Variants in TNPO2 observed in about 807,000 individuals in gnomAD.
The protein encoded by TNPO2 is transportin 2.
Under a neutral mutation model 111.1 loss-of-function variants are expected in TNPO2, and 16 were observed. The ratio of observed to expected loss-of-function variants is 0.14; its 90% CI spans 0.10 to 0.22. TNPO2 has a LOEUF of 0.22. Among genes scored for constraint, TNPO2 ranks in the 10% least tolerant of loss-of-function variants. The pLI is 1.00. For missense variants in TNPO2, 530 were observed against 1,173.7 expected (o/e 0.45, Z 8.01); for synonymous variants, 481 against 475.8 (o/e 1.01, Z -0.14).
Position 12,706,877 on chromosome 19 carries a change from A to T in TNPO2, c.1271-82T>A, listed in dbSNP as rs1007185627. ...GTATGGAGAGAAGAGTCAGCCGCACACAACATATAGGGAAACTGAGGCTTA... is the reference window on the plus strand; with the variant it reads ...GTATGGAGAGAAGAGTCAGCCGCACTCAACATATAGGGAAACTGAGGCTTA... On this transcript the variant is annotated intron_variant, in intron 13 of 25. Transcript: ENST00000425528. This position sits in a 1 kb window ranked among gnomAD's most constrained non-coding sequence, Gnocchi z 7.0. The T allele has an allele frequency of 3.7e-5, 43 of 1,172,524 alleles. No individual in the cohort carries two copies. Among genetic ancestry groups the T allele is most frequent in the East Asian group, 3.1e-4 (12 of 39,090 alleles). 72.6% of individuals were successfully genotyped at this position (1,172,524 alleles called of 1,614,324 possible).
chr19:12,701,238 A>G lies in TNPO2; in HGVS notation c.*26T>C. 1.2e-6 allele frequency: 1 copy of G among 868,262 alleles called. No individual in the cohort carries two copies. The highest frequency in any genetic ancestry group is 1.8e-6 in the Non-Finnish European group (1 of 554,894). 53.8% of individuals were successfully genotyped at this position (868,262 alleles called of 1,614,324 possible). On this transcript the variant is annotated 3_prime_UTR_variant, in exon 26 of 26. Coordinates refer to ENST00000425528, the MANE Select transcript of TNPO2 (RefSeq NM_001382241.1). This position sits in a 1 kb window ranked among gnomAD's most constrained non-coding sequence, Gnocchi z 5.0. ...TAATCCCTCCGACGACGACGCAGACAGAAACCTGCAGGGGGAGGAGGAAGG... is the reference window on the plus strand; with the variant it reads ...TAATCCCTCCGACGACGACGCAGACGGAAACCTGCAGGGGGAGGAGGAAGG...
At chr19:12,707,079 A>G (rs1303685341) in intron 13 of TNPO2, among the ~76,000 whole-genome samples, 1 of 152,082 alleles carries the variant, frequency 6.6e-6, no homozygotes, top group African/African-American at 2.4e-5. Flanking sequence ...GCTCACCGCA[A>G]CCTTCACCTC....
chr19:12,702,083 G>A lies in TNPO2; in HGVS notation c.2400C>T (p.Phe800=), dbSNP rs201401387. The part of the protein sequence containing the change: ...PQEVAPMLQQ[F]IRPWCTSLRN... ...ACGTGGACACACACCAAGGCCGGAT[G>A]AACTGCTGCAGCATGGGTGCCACCT... The change falls in exon 22 of 26, where the codon TTC becomes TTT. Residue 800 remains phenylalanine (F), a synonymous_variant. Transcript: ENST00000425528. The surrounding 1 kb of genome is among the most constrained non-coding windows in gnomAD (Gnocchi z 5.5). The A allele has an allele frequency of 1.9e-6, 3 of 1,613,512 alleles. No homozygotes were observed. The East Asian group carries it at 6.7e-5, about 36-fold the overall frequency.
chr19:12,718,977 G>A, intron 5 of TNPO2, 52 bp downstream of exon 5: 1 of 1,602,002 alleles, frequency 6.2e-7, no homozygotes, highest in Non-Finnish European at 8.5e-7. Flanking sequence ...AACATGCTGA[G>A]AAGTGAGAGT....
Position 12,715,753 on chromosome 19 carries a change from GA to G in TNPO2, c.326-15del. 1 of 1,596,372 alleles carries G rather than the reference GA, an allele frequency of 6.3e-7. No individual in the cohort carries two copies. The highest frequency in any genetic ancestry group is 8.5e-7 in the Non-Finnish European group (1 of 1,172,376). ...TGATGAGAATGCCTGGGGCGGCCGG[GA>G]AAGGACGCTGCCTGAGGCTGGGCAG... is the stretch of plus-strand genomic sequence containing the variant. On this transcript the variant is annotated splice_polypyrimidine_tract_variant and intron_variant, in intron 5 of 25. Transcript: ENST00000425528. This position sits in a 1 kb window ranked among gnomAD's most constrained non-coding sequence, Gnocchi z 7.1.
At position 12,702,675 on chromosome 19, in the gene TNPO2, T is replaced by C; in HGVS notation, c.2305+148A>G. ...ACCCAGCCTGAGGCTGCATCTTTCT[T>C]GGGGCTTCTCCCAGTGACCCCTTCC... On this transcript the variant is annotated intron_variant, in intron 21 of 25. Transcript: ENST00000425528. This position sits in a 1 kb window ranked among gnomAD's most constrained non-coding sequence, Gnocchi z 5.5. 1 of 716,338 alleles carries C rather than the reference T, an allele frequency of 1.4e-6. No homozygotes were observed. Among genetic ancestry groups the C allele is most frequent in the Non-Finnish European group, 2.4e-6 (1 of 414,500 alleles). The allele number at this position is 716,338 out of a possible 1,614,324, so 44.4% of individuals were successfully genotyped here. A position where few individuals can be genotyped will look rare whatever the true frequency, so the allele number is the denominator to read the frequency against.
Position 12,706,039 on chromosome 19 carries a change from C to A in TNPO2, c.1668+157G>T, listed in dbSNP as rs1439389001. 1.3e-5 allele frequency: 11 copies of A among 823,408 alleles called. No individual in the cohort carries two copies. Among genetic ancestry groups the A allele is most frequent in the African/African-American group, 3.4e-5 (2 of 58,072 alleles). The allele number at this position is 823,408 out of a possible 1,614,324, so 51.0% of individuals were successfully genotyped here. A position where few individuals can be genotyped will look rare whatever the true frequency, so the allele number is the denominator to read the frequency against. On this transcript the variant is annotated intron_variant, in intron 15 of 25. Transcript: ENST00000425528. This position sits in a 1 kb window ranked among gnomAD's most constrained non-coding sequence, Gnocchi z 7.0. Reference sequence around the variant, plus strand: ...CTGTCTCATAACTGTCTTTCTCCCCCACTAGACTGGGAGCAGGGCGAGGGC... The same window carrying A: ...CTGTCTCATAACTGTCTTTCTCCCCAACTAGACTGGGAGCAGGGCGAGGGC...
intron 9 of TNPO2, 54 bp from the exon 10 acceptor site, chr19:12,714,993 C>A: frequency 6.3e-7 from 1 of 1,588,108 alleles, no homozygotes; most frequent in Non-Finnish European, 8.6e-7. Context: ...GGCTCCCTGA[C>A]CCCTGCCACC....
Position 12,711,382 on chromosome 19 carries a change from G to A in TNPO2, c.1031C>T (p.Thr344Ile), listed in dbSNP as rs764156137. ...KPRFHKSRTVTLPHEAERPDG... is the reference protein window; with the variant it reads ...KPRFHKSRTVILPHEAERPDG... ...AGGCCGCTCAGCCTCGTGGGGCAGT[G>A]TGACCGTGCGTGACTTGTGGAAGCG... Residue 344 changes from threonine to isoleucine, a missense_variant, in exon 12 of 26, where the codon ACA becomes ATA. By Grantham distance (89) the Thr-to-Ile change is moderately conservative. This residue lies in a region of TNPO2 where 88 missense variants were observed against 130.2 expected (regional missense o/e 0.68). Coordinates refer to ENST00000425528, the MANE Select transcript of TNPO2 (RefSeq NM_001382241.1). 1 of 1,614,012 alleles carries A rather than the reference G, an allele frequency of 6.2e-7. No homozygotes were observed. The highest frequency in any genetic ancestry group is 8.5e-7 in the Non-Finnish European group (1 of 1,179,894).
In TNPO2 at chr19:12,715,358, C is replaced by A; in HGVS notation, c.567-34G>T. ...GAGCAGACACGTGGGTCACCCTGAC[C>A]CTGCCCACTCCAGGCTCCCTGGAAG... is the stretch of plus-strand genomic sequence containing the variant. On this transcript the variant is annotated intron_variant, in intron 7 of 25. Transcript: ENST00000425528. This position sits in a 1 kb window ranked among gnomAD's most constrained non-coding sequence, Gnocchi z 7.1. 1.2e-6 allele frequency: 2 copies of A among 1,613,880 alleles called. No homozygotes were observed. Among genetic ancestry groups the A allele is most frequent in the Non-Finnish European group, 1.7e-6 (2 of 1,179,850 alleles).
Position 12,705,809 on chromosome 19 carries a change from T to C in TNPO2, c.1669-41A>G. 7.3e-6 allele frequency: 10 copies of C among 1,372,820 alleles called. No individual in the cohort carries two copies. The highest frequency in any genetic ancestry group is 9.7e-6 in the Non-Finnish European group (10 of 1,027,852). The allele number at this position is 1,372,820 out of a possible 1,614,324, so 85.0% of individuals were successfully genotyped here. A position where few individuals can be genotyped will look rare whatever the true frequency, so the allele number is the denominator to read the frequency against. On this transcript the variant is annotated intron_variant, in intron 15 of 25. Coordinates refer to ENST00000425528, the MANE Select transcript of TNPO2 (RefSeq NM_001382241.1). The surrounding 1 kb of genome is among the most constrained non-coding windows in gnomAD (Gnocchi z 7.2). The stretch of plus-strand genomic sequence containing the variant: ...GAAATGGGCGCTCCCTGGGTCGGGG[T>C]GGCAGACTGTGACTCAGGTACCTGT...
Position 12,715,375 on chromosome 19 carries a change from C to A in TNPO2, c.566+30G>T, listed in dbSNP as rs748942575. 1 of 1,613,900 alleles carries A rather than the reference C, an allele frequency of 6.2e-7. No homozygotes were observed. The highest frequency in any genetic ancestry group is 2.2e-5 in the East Asian group (1 of 44,874). The stretch of plus-strand genomic sequence containing the variant: ...ACCCTGACCCTGCCCACTCCAGGCT[C>A]CCTGGAAGCCCCCAGGGAGCTGCAC... On this transcript the variant is annotated intron_variant, in intron 7 of 25. Transcript: ENST00000425528. The surrounding 1 kb of genome is among the most constrained non-coding windows in gnomAD (Gnocchi z 7.1).
intron 10 of TNPO2, 50 bp downstream of exon 10, chr19:12,714,771 T>C (rs1277329985): frequency 1.4e-6 from 2 of 1,469,682 alleles, no homozygotes; most frequent in Admixed American, 1.7e-5. Context: ...GGCAGAGGCA[T>C]AGCAAGGGGT....
chr19:12,702,021 G>A lies in TNPO2; in HGVS notation c.2411+51C>T, dbSNP rs367720979. The A allele has an allele frequency of 2.2e-4, 338 of 1,567,320 alleles. 2 individuals carry two copies. In the South Asian group the frequency reaches 3.5e-3, roughly 16 times the overall value. On this transcript the variant is annotated intron_variant, in intron 22 of 25. Transcript: ENST00000425528. This position sits in a 1 kb window ranked among gnomAD's most constrained non-coding sequence, Gnocchi z 5.5. ...TGGAAATGCACAGGCGAGGGAGGGG[G>A]TTGGGCCAGTCCCGCCCACCACACA...
Position 12,706,166 on chromosome 19 carries a change from C to T in TNPO2, c.1668+30G>A, listed in dbSNP as rs758335970. On this transcript the variant is annotated intron_variant, in intron 15 of 25. Transcript: ENST00000425528. This position sits in a 1 kb window ranked among gnomAD's most constrained non-coding sequence, Gnocchi z 7.0. ...ACTGGATGCCCAGGGGCACGGGGAT[C>T]GGGAGGCGGGAGCCGCTCTGGGGTC... 10 of 1,604,780 alleles carry T rather than the reference C, an allele frequency of 6.2e-6. No individual in the cohort carries two copies. The African/African-American group carries it at 6.7e-5, about 11-fold the overall frequency.
At chr19:12,711,737 C>T (rs1321232828) in intron 10 of TNPO2, 124 bp from the exon 11 acceptor site, 3 of 737,878 alleles carry the variant, frequency 4.1e-6, no homozygotes, top group African/African-American at 1.7e-5. Flanking sequence ...AGCCACAGAG[C>T]AGACCCTGCA....
At chr19:12,720,345 C>G (rs2026612521) in intron 3 of TNPO2, among the ~76,000 whole-genome samples, 1 of 152,038 alleles carries the variant, frequency 6.6e-6, no homozygotes, top group South Asian at 2.1e-4. Flanking sequence ...GAGACAGGGT[C>G]TGGCTCTGTC....
chr19:12,706,346 T>C lies in TNPO2; in HGVS notation c.1518A>G (p.Glu506=). 2.5e-6 allele frequency: 4 copies of C among 1,614,104 alleles called. No homozygotes were observed. In the Admixed American group the frequency reaches 5.0e-5, roughly 20 times the overall value. ...AACSAFATLE[E]EACTELVPYL... is the part of the protein sequence containing the mutation. ...AGGGCACCAGCTCCGTGCAGGCCTC[T>C]TCCTCCAGGGTGGCAAAAGCACTGG... Residue 506 remains glutamate (E), a synonymous_variant, in exon 15 of 26, where the codon GAA becomes GAG. Transcript: ENST00000425528. The surrounding 1 kb of genome is among the most constrained non-coding windows in gnomAD (Gnocchi z 7.0).
Position 12,719,593 on chromosome 19 carries a change from C to T in TNPO2, c.100-257G>A, listed in dbSNP as rs996271832. ...CGGGTGGATCACAAGGTCAGGAGTT[C>T]GAGACTAGCCTGGCCAGCGTGGTGA... is the stretch of plus-strand genomic sequence containing the variant. On this transcript the variant is annotated intron_variant, in intron 3 of 25. Transcript: ENST00000425528. This position sits in a 1 kb window ranked among gnomAD's most constrained non-coding sequence, Gnocchi z 5.0. Among the ~76,000 whole-genome samples, 5 of 152,020 alleles carry T rather than the reference C, an allele frequency of 3.3e-5. No individual in the cohort carries two copies. The highest frequency in any genetic ancestry group is 5.9e-5 in the Non-Finnish European group (4 of 67,992).
Sources: gnomAD v4.1 joint callset for allele counts (sites outside exome capture counted in the v4.1 genomes callset) on GRCh38, gnomAD v4.1.1 for gene constraint, gnomAD v4.1.1 regional missense constraint, Gnocchi (gnomAD v3.1) non-coding constraint, MANE v1.5 for transcripts, NCBI Gene and HGNC (gene_info 2026-07-23, HGNC 2026-07-21) for gene names.